Variants in KALRN observed in about 807,000 individuals in gnomAD.
KALRN encodes kalirin RhoGEF kinase.
KALRN carries 70 observed loss-of-function variants against 353.7 expected under a neutral mutation model. That is an observed-to-expected ratio of 0.20 (90% CI 0.16 to 0.24). KALRN has a LOEUF of 0.24. Ranked by LOEUF, KALRN falls within the 10% of genes least tolerant of loss-of-function variation. The pLI, the probability that KALRN is intolerant of heterozygous loss-of-function variation, is 1.00. For synonymous variants in KALRN, 1,391 were observed against 1,434.8 expected (o/e 0.97, Z 0.69); for missense variants, 2,791 against 3,756.7 (o/e 0.74, Z 6.72).
chr3:124,307,464 TAATATGTATAA>T (rs2077816163), intron 6 of KALRN, among the ~76,000 whole-genome samples: 1 of 152,042 alleles, frequency 6.6e-6, no homozygotes, highest in African/African-American at 2.4e-5. Context: ...TTTATAAATG[TAATATGTATAA>T]AATATGACAA....
intron 5 of KALRN, among the ~76,000 whole-genome samples, chr3:124,272,594 G>A (rs1348996656): frequency 6.6e-6 from 1 of 151,974 alleles, no homozygotes; most frequent in Non-Finnish European, 1.5e-5. Flanking sequence ...ATGTGCATGT[G>A]AGTAGAGGGG....
At chr3:124,323,355 C>T (rs1239148278) in intron 6 of KALRN, among the ~76,000 whole-genome samples, 1 of 151,784 alleles carries the variant, frequency 6.6e-6, no homozygotes, top group African/African-American at 2.4e-5. Flanking sequence ...CCTTAAATTA[C>T]CGTTATTTGA....
intron 1 of KALRN, among the ~76,000 whole-genome samples, chr3:124,208,772 C>T (rs1383230175): frequency 1.3e-5 from 2 of 151,934 alleles, no homozygotes; most frequent in African/African-American, 4.8e-5. Context: ...CAAAACCAAT[C>T]TGGGCAACAT....
chr3:124,171,539 C>A (rs925542964), intron 1 of KALRN, among the ~76,000 whole-genome samples: 1 of 152,134 alleles, frequency 6.6e-6, no homozygotes, highest in Non-Finnish European at 1.5e-5. Context: ...CACAGCATCT[C>A]TTCTGCTCTA....
intron 49 of KALRN, 125 bp downstream of exon 49, chr3:124,674,739 C>T: frequency 9.3e-7 from 1 of 1,078,782 alleles, no homozygotes; most frequent in African/African-American, 1.6e-5. Flanking sequence ...TCAACAGTAC[C>T]ACAGAACCAG....
intron 1 of KALRN, among the ~76,000 whole-genome samples, chr3:124,062,628 GTCTCTGGGGGTTT>G (rs2042065515): frequency 6.6e-6 from 1 of 152,180 alleles, no homozygotes; most frequent in South Asian, 2.1e-4. Context: ...AAATACAAAG[GTCTCTGGGGGTTT>G]TCTTCTCTCA....
chr3:124,125,911 A>G (rs2064601846), intron 1 of KALRN, among the ~76,000 whole-genome samples: 1 of 152,152 alleles, frequency 6.6e-6, no homozygotes, highest in South Asian at 2.1e-4. Context: ...GAGTGGTTCC[A>G]TGAGTTAGAG....
rs1042713563 is a variant in KALRN at position 124,250,186 on chromosome 3, G to A, written c.264-14312G>A. 5.9e-5 allele frequency among the ~76,000 whole-genome samples: 9 copies of A among 152,340 alleles called. No homozygotes were observed. In the East Asian group the frequency reaches 1.7e-3, roughly 29 times the overall value. On this transcript the variant is annotated intron_variant, in intron 3 of 59. Coordinates refer to ENST00000682506, the MANE Select transcript of KALRN (RefSeq NM_001388419.1). ...TGTGACTGCTACTTAAGGAGAAAGAGGAGGAGGGAAGGAGAGGAGGTGTGT... is the reference window on the plus strand; with the variant it reads ...TGTGACTGCTACTTAAGGAGAAAGAAGAGGAGGGAAGGAGAGGAGGTGTGT...
chr3:124,568,992 G>A (rs2073193238), intron 34 of KALRN, among the ~76,000 whole-genome samples: 1 of 152,204 alleles, frequency 6.6e-6, no homozygotes, highest in South Asian at 2.1e-4. Context: ...CTTTTAAAAA[G>A]TATTGGTCCT....
rs747087120 is a variant in KALRN, at chr3:124,227,663, GTT to G, written c.74-286_74-285del. Among the ~76,000 whole-genome samples, 167 of 69,252 alleles carry G rather than the reference GTT, an allele frequency of 2.4e-3. 15 individuals are homozygous for G. In the East Asian group the frequency reaches 0.035, roughly 15 times the overall value. 45.4% of individuals were successfully genotyped at this position (69,252 alleles called of 152,430 possible). The stretch of plus-strand genomic sequence containing the variant: ...CAAGTTGCTCAATAGCAACAGGGCT[GTT>G]TTTTTTTTTTTTTTTTTTTTTTTTT... On this transcript the variant is annotated intron_variant, in intron 1 of 59. Coordinates refer to ENST00000682506, the MANE Select transcript of KALRN (RefSeq NM_001388419.1).
chr3:124,564,077 C>A (rs541655725), intron 34 of KALRN, among the ~76,000 whole-genome samples: 1 of 147,654 alleles, frequency 6.8e-6, no homozygotes, highest in Non-Finnish European at 1.5e-5. Flanking sequence ...TGGTGGCGCA[C>A]GCCTGTAGTC....
intron 1 of KALRN, among the ~76,000 whole-genome samples, chr3:124,182,646 A>T (rs1252676152): frequency 6.6e-6 from 1 of 152,214 alleles, no homozygotes; most frequent in Non-Finnish European, 1.5e-5. Context: ...AGGAGAGAGG[A>T]TCATTGGGGG....
At chr3:124,152,589 CTTTCTTTTTTT>C in intron 1 of KALRN, 12 of 443,058 alleles carry the variant, frequency 2.7e-5, no homozygotes, top group South Asian at 5.0e-5. Context: ...TTCTTTCTTT[CTTTCTTTTTTT>C]TTTTTTTTTT....
chr3:124,380,551 A>T (rs569869825), intron 10 of KALRN, among the ~76,000 whole-genome samples: 28 of 152,292 alleles, frequency 1.8e-4, no homozygotes, highest in African/African-American at 5.5e-4. Flanking sequence ...CATTTTTGGC[A>T]TATCTGTTGG....
chr3:124,545,420 G>A (rs1474861166), intron 33 of KALRN, among the ~76,000 whole-genome samples: 1 of 152,098 alleles, frequency 6.6e-6, no homozygotes, highest in South Asian at 2.1e-4. Context: ...TAATTTCAAG[G>A]GTCCCTGATG....
intron 52 of KALRN, among the ~76,000 whole-genome samples, 196 bp from the exon 53 acceptor site, chr3:124,694,136 T>C (rs1270498264): frequency 6.6e-6 from 1 of 152,204 alleles, no homozygotes; most frequent in Admixed American, 6.5e-5. Flanking sequence ...ATATTTCCTA[T>C]TTTTTTCTAT....
At chr3:124,621,156 G>T (rs766290713) in intron 34 of KALRN, among the ~76,000 whole-genome samples, 1 of 152,202 alleles carries the variant, frequency 6.6e-6, no homozygotes, top group Non-Finnish European at 1.5e-5. Context: ...ACTGGATCTG[G>T]AATCATTTCT....
At chr3:124,185,320 A>G (rs1033052255) in intron 1 of KALRN, among the ~76,000 whole-genome samples, 1 of 152,178 alleles carries the variant, frequency 6.6e-6, no homozygotes, top group African/African-American at 2.4e-5. Flanking sequence ...CTAACCTCTA[A>G]CAAATGCAAC....
At chr3:124,160,236 G>T (rs941443419) in intron 1 of KALRN, among the ~76,000 whole-genome samples, 1 of 151,582 alleles carries the variant, frequency 6.6e-6, no homozygotes, top group African/African-American at 2.4e-5. Context: ...CTTCCATGCC[G>T]GCCTGGATGG....
Sources: allele counts gnomAD v4.1 joint callset (sites outside exome capture counted in the v4.1 genomes callset), GRCh38; gene constraint gnomAD v4.1.1; transcripts MANE v1.5; gene names NCBI Gene and HGNC (gene_info 2026-07-23, HGNC 2026-07-21).